The following CACNA2D3 variants were observed in gnomAD, a reference collection of about 807,000 sequenced individuals.
CACNA2D3 encodes calcium voltage-gated channel auxiliary subunit alpha2delta 3, also known as voltage-dependent calcium channel subunit alpha-2/delta-3.
Under a neutral mutation model 160.6 loss-of-function variants are expected in CACNA2D3, and 60 were observed. That is an observed-to-expected ratio of 0.37 (90% CI 0.30 to 0.46). CACNA2D3 has a LOEUF of 0.46. CACNA2D3 is among the 20% of genes least tolerant of loss of function. The pLI is 1.00. For synonymous variants in CACNA2D3, 558 were observed against 492.9 expected (o/e 1.13, Z -1.75); for missense variants, 1,205 against 1,365.0 (o/e 0.88, Z 1.85).
intron 5 of CACNA2D3, among the ~76,000 whole-genome samples, chr3:54,533,139 AC>A (rs1255244826): frequency 2.0e-5 from 3 of 151,718 alleles, no homozygotes; most frequent in Admixed American, 1.3e-4. Context: ...GTCTGTCTAA[AC>A]CCTGTCTGCT....
At chr3:54,894,892 T>G (rs1315113099) in intron 25 of CACNA2D3, 1 of 318,308 alleles carries the variant, frequency 3.1e-6, no homozygotes, top group South Asian at 2.6e-5. Context: ...AGTCCTGATC[T>G]CCAGCATTCT....
chr3:54,584,157 T>A (rs1403721935), intron 9 of CACNA2D3, among the ~76,000 whole-genome samples: 1 of 151,672 alleles, frequency 6.6e-6, no homozygotes, highest in Non-Finnish European at 1.5e-5. Context: ...AAATCCATAA[T>A]GCCCAGAATG....
At chr3:55,001,786 T>C (rs1330556982) in intron 31 of CACNA2D3, among the ~76,000 whole-genome samples, 4 of 152,246 alleles carry the variant, frequency 2.6e-5, no homozygotes, top group African/African-American at 9.6e-5. Flanking sequence ...GCTGGTTATT[T>C]AGATCTCAGA....
intron 11 of CACNA2D3, among the ~76,000 whole-genome samples, chr3:54,675,610 A>C (rs1254953611): frequency 2.0e-5 from 3 of 152,094 alleles, no homozygotes; most frequent in Non-Finnish European, 4.4e-5. Context: ...GCTGAAGTAG[A>C]GGGAGGAGAC....
At chr3:54,853,311 G>A (rs192589206) in intron 17 of CACNA2D3, among the ~76,000 whole-genome samples, 4 of 152,194 alleles carry the variant, frequency 2.6e-5, no homozygotes, top group Non-Finnish European at 4.4e-5. Context: ...TACACAGAGC[G>A]GGTAGTCAGT....
At chr3:54,375,106 G>A (rs1698988533) in intron 3 of CACNA2D3, among the ~76,000 whole-genome samples, 3 of 151,808 alleles carry the variant, frequency 2.0e-5, no homozygotes, top group Admixed American at 2.0e-4. Flanking sequence ...CAGTGTAGAT[G>A]AGAAGGCTTC....
At chr3:54,717,132 A>G (rs945631039) in intron 11 of CACNA2D3, among the ~76,000 whole-genome samples, 4 of 152,132 alleles carry the variant, frequency 2.6e-5, no homozygotes, top group Admixed American at 6.5e-5. Context: ...TCACTCAGTG[A>G]CATGTCTTTG....
At chr3:54,685,468 A>C (rs969798376) in intron 11 of CACNA2D3, among the ~76,000 whole-genome samples, 2 of 152,194 alleles carry the variant, frequency 1.3e-5, no homozygotes, top group African/African-American at 4.8e-5. Context: ...TAGTTTGCCA[A>C]TCCCTGGAGT....
At chr3:54,261,341 C>A (rs1450281304) in intron 2 of CACNA2D3, among the ~76,000 whole-genome samples, 1 of 152,100 alleles carries the variant, frequency 6.6e-6, no homozygotes, top group Non-Finnish European at 1.5e-5. Context: ...CACCCAGATT[C>A]CTTCTTGGCG....
chr3:55,074,023 C>CT lies in CACNA2D3; in HGVS notation c.3184-89dup, dbSNP rs1051737774. On this transcript the variant is annotated intron_variant, in intron 37 of 37. Transcript: ENST00000474759. The stretch of plus-strand genomic sequence containing the variant: ...CATCTAGGTCCCAGAAGACTTCGTT[C>CT]TTACGTTAGAGAGGGGGAGAGAGGT... 1.1e-4 allele frequency: 128 copies of CT among 1,209,464 alleles called. 2 individuals carry two copies. The Admixed American group carries it at 2.2e-3, about 21-fold the overall frequency. 74.9% of individuals were successfully genotyped at this position (1,209,464 alleles called of 1,614,324 possible). A position where few individuals can be genotyped will look rare whatever the true frequency, so the allele number is the denominator to read the frequency against.
At chr3:54,552,976 A>G (rs1305146144) in intron 5 of CACNA2D3, among the ~76,000 whole-genome samples, 1 of 152,228 alleles carries the variant, frequency 6.6e-6, no homozygotes, top group Admixed American at 6.5e-5. Context: ...TACCAAGGCA[A>G]CAGGCTGAGG....
At chr3:54,292,246 C>G (rs967488218) in intron 2 of CACNA2D3, among the ~76,000 whole-genome samples, 1 of 151,976 alleles carries the variant, frequency 6.6e-6, no homozygotes, top group Non-Finnish European at 1.5e-5. Flanking sequence ...ACATAGATGT[C>G]AAATTTCATG....
intron 9 of CACNA2D3, among the ~76,000 whole-genome samples, chr3:54,589,774 A>G (rs1421441503): frequency 2.0e-5 from 3 of 152,256 alleles, no homozygotes; most frequent in Non-Finnish European, 4.4e-5. Flanking sequence ...GAGGATATAC[A>G]GATGGCAAGA....
At chr3:54,775,734 CTGA>C (rs1443718724) in intron 13 of CACNA2D3, among the ~76,000 whole-genome samples, 3 of 152,214 alleles carry the variant, frequency 2.0e-5, no homozygotes, top group African/African-American at 7.2e-5. Flanking sequence ...TTCATCACTT[CTGA>C]TGATCAAACA....
chr3:54,541,925 AGG>A (rs1701985825), intron 5 of CACNA2D3, among the ~76,000 whole-genome samples: 1 of 144,912 alleles, frequency 6.9e-6, no homozygotes, highest in Non-Finnish European at 1.5e-5. Context: ...CATTTAGGAA[AGG>A]GTGTGTGTGG....
chr3:54,180,252 G>A (rs529342413), intron 2 of CACNA2D3, among the ~76,000 whole-genome samples: 1 of 152,202 alleles, frequency 6.6e-6, no homozygotes, highest in East Asian at 1.9e-4. Context: ...TGGGGTACGT[G>A]AGGCTTTCAG....
chr3:54,907,911 T>C (rs994768704), intron 27 of CACNA2D3, among the ~76,000 whole-genome samples: 1 of 152,216 alleles, frequency 6.6e-6, no homozygotes, highest in African/African-American at 2.4e-5. Context: ...GTACTTCATT[T>C]TTAAATTGCC....
chr3:54,802,828 A>G (rs551310246), intron 13 of CACNA2D3, among the ~76,000 whole-genome samples: 1 of 152,274 alleles, frequency 6.6e-6, no homozygotes, highest in African/African-American at 2.4e-5. Flanking sequence ...GCAGACTGAC[A>G]TCTCACACGG....
intron 27 of CACNA2D3, among the ~76,000 whole-genome samples, chr3:54,907,658 A>G (rs950492791): frequency 1.3e-5 from 2 of 152,176 alleles, no homozygotes; most frequent in Non-Finnish European, 2.9e-5. Flanking sequence ...AGAAGATTAT[A>G]TTAATAATAT....
Sources: allele counts gnomAD v4.1 joint callset (sites outside exome capture counted in the v4.1 genomes callset), GRCh38; gene constraint gnomAD v4.1.1; transcripts MANE v1.5; gene names NCBI Gene and HGNC (gene_info 2026-07-23, HGNC 2026-07-21).